LAMC3: variants seen among roughly 807,000 people sequenced by gnomAD.
LAMC3 encodes laminin subunit gamma 3, also known as laminin subunit gamma-3.
A neutral mutation model predicts 173.8 loss-of-function variants in LAMC3; 128 were observed. The observed-to-expected ratio is 0.74, with a 90% CI of 0.64 to 0.85. The LOEUF is 0.85. LAMC3 is among the 40% of genes least tolerant of loss of function. The probability of loss-of-function intolerance (pLI) is 0.00; values close to 1 mark genes in which losing one functional copy is unlikely to be tolerated. For missense variants in LAMC3, 2,022 were observed against 2,156.0 expected, an observed-to-expected ratio of 0.94 and a Z score of 1.23; for synonymous variants, 897 against 909.1, an observed-to-expected ratio of 0.99 and a Z score of 0.24.
At chr9:131,085,502 C>T in intron 24 of LAMC3, 22 bp from the exon 25 acceptor site, 1 of 1,613,214 alleles carries the variant, frequency 6.2e-7, no homozygotes. Flanking sequence ...TTCCCCTGAC[C>T]CAGCCTCAGC....
chr9:131,039,855 C>T (rs1366128068), intron 6 of LAMC3, among the ~76,000 whole-genome samples: 1 of 151,646 alleles, frequency 6.6e-6, no homozygotes, highest in African/African-American at 2.4e-5. Flanking sequence ...CTGGGTGCAC[C>T]GAGTTTGGTA....
chr9:131,072,397 G>C (rs567329622), intron 18 of LAMC3, among the ~76,000 whole-genome samples: 1 of 152,138 alleles, frequency 6.6e-6, no homozygotes, highest in African/African-American at 2.4e-5. Context: ...GGTCTCTCCC[G>C]GTCCCTGTGT....
rs1245932078 is a variant in LAMC3 at position 131,091,945 on chromosome 9, G to A, written c.*158G>A. On this transcript the variant is annotated 3_prime_UTR_variant, in exon 28 of 28. Transcript: ENST00000361069. ...TAGTCACTCCCTGCCGATTCTGTCT[G>A]TGGCTTCTTCCCTGCCAGCAGGACT... The A allele has an allele frequency of 2.3e-6, 2 of 876,058 alleles. No individual in the cohort carries two copies. Among genetic ancestry groups the A allele is most frequent in the South Asian group, 1.7e-5 (1 of 60,042 alleles). The allele number at this position is 876,058 out of a possible 1,614,324, so 54.3% of individuals were successfully genotyped here.
intron 1 of LAMC3, among the ~76,000 whole-genome samples, chr9:131,022,215 A>AACAAACACACACACACAC (rs371321436): frequency 9.7e-5 from 14 of 144,752 alleles, no homozygotes; most frequent in African/African-American, 3.4e-4. Flanking sequence ...TGTGGATGAA[A>AACAAACACACACACACAC]ACACACACAC....
At chr9:131,078,142 T>A (rs1248954095) in intron 22 of LAMC3, among the ~76,000 whole-genome samples, 1 of 152,022 alleles carries the variant, frequency 6.6e-6, no homozygotes, top group Non-Finnish European at 1.5e-5. Flanking sequence ...ATGAACCGGG[T>A]CCATCGTGTC....
chr9:131,077,371 G>A, intron 22 of LAMC3, 37 bp downstream of exon 22: 1 of 1,611,002 alleles, frequency 6.2e-7, no homozygotes, highest in South Asian at 1.1e-5. Context: ...TGTGGGGTCG[G>A]GAGGATCTAT....
intron 27 of LAMC3, among the ~76,000 whole-genome samples, chr9:131,089,932 AG>A (rs11351885): frequency 0.6 from 90,975 of 151,998 alleles, 28,286 homozygotes; most frequent in African/African-American, 0.77. Flanking sequence ...GAGGAAACTG[AG>A]GTGAGGAGAG....
Position 131,079,132 on chromosome 9 carries a change from G to C in LAMC3, c.3778-17G>C. 6.2e-7 allele frequency: 1 copy of C among 1,611,396 alleles called. No homozygotes were observed. Among genetic ancestry groups the C allele is most frequent in the Non-Finnish European group, 8.5e-7 (1 of 1,178,854 alleles). ...CTTCCTTTCCAGGCCCTGCCTGAGCGCATTGTCTCCCTGCAGCCTCAGAAG... is the reference window on the plus strand; with the variant it reads ...CTTCCTTTCCAGGCCCTGCCTGAGCCCATTGTCTCCCTGCAGCCTCAGAAG... On this transcript the variant is annotated splice_polypyrimidine_tract_variant and intron_variant, in intron 22 of 27. Transcript: ENST00000361069.
At chr9:131,043,042 C>T (rs1834084845) in intron 7 of LAMC3, among the ~76,000 whole-genome samples, 1 of 152,176 alleles carries the variant, frequency 6.6e-6, no homozygotes, top group Non-Finnish European at 1.5e-5. Context: ...TAATGGGGCA[C>T]AGCAGTCTTG....
chr9:131,030,219 T>C (rs1833801713), intron 2 of LAMC3, among the ~76,000 whole-genome samples: 1 of 152,160 alleles, frequency 6.6e-6, no homozygotes, highest in Non-Finnish European at 1.5e-5. Flanking sequence ...GCATTACAAG[T>C]GTGAGCCATC....
Position 131,089,989 on chromosome 9 carries a change from G to A in LAMC3, c.4478-1548G>A, listed in dbSNP as rs62583161. Among the ~76,000 whole-genome samples the A allele has an allele frequency of 3.1e-3, 465 of 152,102 alleles. 2 individuals carry two copies. Among genetic ancestry groups the A allele is most frequent in the South Asian group, 5.2e-3 (25 of 4,818 alleles). ...ATTTTTGTTTTTTTGTAGAGACAGCGTCTCGTTATGTTAACCAAGCTGGTG... is the reference window on the plus strand; with the variant it reads ...ATTTTTGTTTTTTTGTAGAGACAGCATCTCGTTATGTTAACCAAGCTGGTG... On this transcript the variant is annotated intron_variant, in intron 27 of 27. Coordinates refer to ENST00000361069, the MANE Select transcript of LAMC3 (RefSeq NM_006059.4).
Position 131,026,497 on chromosome 9 carries a change from G to T in LAMC3, c.586G>T (p.Asp196Tyr). The T allele has an allele frequency of 6.2e-7, 1 of 1,613,304 alleles. No individual in the cohort carries two copies. The highest frequency in any genetic ancestry group is 2.2e-5 in the East Asian group (1 of 44,872). ...RVAFCTSEFSDISPLSGGNVA... is the reference protein window; with the variant it reads ...RVAFCTSEFSYISPLSGGNVA... Reference sequence around the variant, plus strand: ...GGCCTTCTGCACCTCTGAGTTCAGCGACATCTCCCCGCTGAGTGGCGGCAA... The same window carrying T: ...GGCCTTCTGCACCTCTGAGTTCAGCTACATCTCCCCGCTGAGTGGCGGCAA... The change falls in exon 2 of 28, where the codon GAC (aspartate) becomes TAC (tyrosine). Residue 196 changes from aspartate (D) to tyrosine (Y), a missense_variant. Physicochemically the swap from Asp to Tyr is radical, Grantham distance 160 (BLOSUM62 -3). Transcript: ENST00000361069. The surrounding 1 kb of genome is among the most constrained non-coding windows in gnomAD (Gnocchi z 4.8).
rs370917516 is a variant in LAMC3 at position 131,077,262 on chromosome 9, G to C, written c.3705G>C (p.Val1235=). ...VAEVLPEAES[V]LATVQQVGAD... is the part of the protein sequence containing the mutation. ...AGGTGCTGCCTGAAGCGGAAAGCGT[G>C]TTGGCCACCGTGCAGCAAGTTGGCG... is the stretch of plus-strand genomic sequence containing the variant. The change falls in exon 22 of 28, where the codon GTG becomes GTC. Residue 1235 remains valine (V), a synonymous_variant. Coordinates refer to ENST00000361069, the MANE Select transcript of LAMC3 (RefSeq NM_006059.4). 7.4e-6 allele frequency: 12 copies of C among 1,614,034 alleles called. No individual in the cohort carries two copies.
chr9:131,038,742 C>T, intron 4 of LAMC3, 122 bp from the exon 5 acceptor site: 3 of 1,019,642 alleles, frequency 2.9e-6, no homozygotes, highest in Non-Finnish European at 4.6e-6. Context: ...CATTCTGGAC[C>T]ATGCTCTTGC....
intron 2 of LAMC3, among the ~76,000 whole-genome samples, chr9:131,030,965 C>T (rs1833813297): frequency 6.6e-6 from 1 of 152,244 alleles, no homozygotes; most frequent in Non-Finnish European, 1.5e-5. Context: ...TGGGGTGATC[C>T]AGGCCTGCAA....
At chr9:131,045,497 C>G in intron 7 of LAMC3, 27 bp from the exon 8 acceptor site, 4 of 1,612,690 alleles carry the variant, frequency 2.5e-6, no homozygotes, top group Admixed American at 3.3e-5. Context: ...ACGTGGCCCT[C>G]GTGGGCATGT....
At chr9:131,053,852 TAAC>T (rs1834345348) in intron 11 of LAMC3, among the ~76,000 whole-genome samples, 1 of 150,676 alleles carries the variant, frequency 6.6e-6, no homozygotes, top group African/African-American at 2.4e-5. Context: ...ACAGCAACAA[TAAC>T]AAAAAACAGT....
chr9:131,032,534 GTCTCTCTCTCTTGC>G (rs1451628296), intron 3 of LAMC3, among the ~76,000 whole-genome samples: 2 of 58,852 alleles, frequency 3.4e-5, no homozygotes, highest in Non-Finnish European at 8.9e-5. Context: ...CTCTCTCGCT[GTCTCTCTCTCTTGC>G]TCTCTCTCGC....
intron 13 of LAMC3, among the ~76,000 whole-genome samples, chr9:131,065,333 A>T (rs1829911919): frequency 6.6e-6 from 1 of 152,194 alleles, no homozygotes; most frequent in African/African-American, 2.4e-5. Context: ...AGGCTGGAAG[A>T]TGAGCCAGAA....
Sources: allele counts gnomAD v4.1 joint callset (sites outside exome capture counted in the v4.1 genomes callset), GRCh38; gene constraint gnomAD v4.1.1; non-coding constraint Gnocchi (gnomAD v3.1); transcripts MANE v1.5; gene names NCBI Gene and HGNC (gene_info 2026-07-23, HGNC 2026-07-21).